Variants in SLC1A4 observed in about 807,000 individuals in gnomAD.
SLC1A4 encodes the protein neutral amino acid transporter A.
Under a neutral mutation model 37.7 loss-of-function variants are expected in SLC1A4, and 19 were observed. That is an observed-to-expected ratio of 0.50 (90% CI 0.35 to 0.74). SLC1A4 has a LOEUF of 0.74. Ranked by LOEUF, SLC1A4 falls within the 30% of genes least tolerant of loss-of-function variation. The probability of loss-of-function intolerance (pLI) is 0.01; values close to 1 mark genes in which losing one functional copy is unlikely to be tolerated. For missense variants in SLC1A4, 570 were observed against 712.9 expected, an observed-to-expected ratio of 0.80 and a Z score of 2.28; for synonymous variants, 299 against 309.8, an observed-to-expected ratio of 0.97 and a Z score of 0.37.
intron 4 of SLC1A4, among the ~76,000 whole-genome samples, chr2:65,013,858 A>C (rs547301642): frequency 3.3e-5 from 5 of 152,314 alleles, no homozygotes; most frequent in African/African-American, 1.2e-4. Flanking sequence ...GAGTCAGCCA[A>C]CTTTGCAAGC....
chr2:65,018,765 G>A lies in SLC1A4; in HGVS notation c.1364+86G>A. On this transcript the variant is annotated intron_variant, in intron 7 of 7. Coordinates refer to ENST00000234256, the MANE Select transcript of SLC1A4 (RefSeq NM_003038.5). The surrounding 1 kb of genome is among the most constrained non-coding windows in gnomAD (Gnocchi z 4.3). Reference sequence around the variant, plus strand: ...CACTGCTGGGCCTGGGCCATGCAGAGAAACTTCAGACACACTCCAGCCTTG... The same window carrying A: ...CACTGCTGGGCCTGGGCCATGCAGAAAAACTTCAGACACACTCCAGCCTTG... 2 of 1,489,014 alleles carry A rather than the reference G, an allele frequency of 1.3e-6. No homozygotes were observed. Among genetic ancestry groups the A allele is most frequent in the Non-Finnish European group, 1.8e-6 (2 of 1,089,524 alleles). The allele number at this position is 1,489,014 out of a possible 1,614,324, so 92.2% of individuals were successfully genotyped here. A position where few individuals can be genotyped will look rare whatever the true frequency, so the allele number is the denominator to read the frequency against.
At chr2:64,995,419 T>A (rs941604900) in intron 1 of SLC1A4, among the ~76,000 whole-genome samples, 1 of 152,230 alleles carries the variant, frequency 6.6e-6, no homozygotes, top group Non-Finnish European at 1.5e-5. Context: ...GAGGGCTATT[T>A]GATATGATGC....
chr2:65,011,553 C>T (rs966453480), intron 4 of SLC1A4: 1 of 152,026 alleles, frequency 6.6e-6, no homozygotes, highest in Non-Finnish European at 1.5e-5. Flanking sequence ...CAGGTGTGAG[C>T]CACTGCGCCT....
At chr2:65,013,499 G>C (rs1674005608) in intron 4 of SLC1A4, among the ~76,000 whole-genome samples, 1 of 152,208 alleles carries the variant, frequency 6.6e-6, no homozygotes, top group South Asian at 2.1e-4. Context: ...TAGGATTACA[G>C]GCATGAGCCA....
chr2:65,004,905 T>C (rs1673617181), intron 3 of SLC1A4, among the ~76,000 whole-genome samples: 2 of 152,242 alleles, frequency 1.3e-5, no homozygotes. Context: ...ATAAAGATTT[T>C]TGTATATGTA....
rs528355543 is a variant in SLC1A4 at position 64,989,812 on chromosome 2, G to A, written c.169G>A (p.Gly57Ser). Residue 57 changes from glycine to serine, a missense_variant, in exon 1 of 8, where the codon GGC becomes AGC. Coordinates refer to ENST00000234256, the MANE Select transcript of SLC1A4 (RefSeq NM_003038.5). ...CGTGTCCGGGGTGCTGGCGGGCGCG[G>A]GCCTGGGCGCGGCGTTGCGCGGGCT... ...LTVSGVLAGA[G>S]LGAALRGLSL... The A allele has an allele frequency of 3.3e-6, 5 of 1,531,176 alleles. No individual in the cohort carries two copies. Among genetic ancestry groups the A allele is most frequent in the East Asian group, 5.0e-5 (2 of 40,316 alleles). The allele number at this position is 1,531,176 out of a possible 1,614,324, so 94.8% of individuals were successfully genotyped here. A position where few individuals can be genotyped will look rare whatever the true frequency, so the allele number is the denominator to read the frequency against.
chr2:65,009,392 A>AAAAG (rs1190522016), intron 3 of SLC1A4, among the ~76,000 whole-genome samples: 3 of 150,186 alleles, frequency 2.0e-5, no homozygotes, highest in South Asian at 2.1e-4. Context: ...AAAAAAAAAG[A>AAAAG]AAAGAAAGAA....
intron 1 of SLC1A4, among the ~76,000 whole-genome samples, chr2:64,997,851 T>G (rs759755529): frequency 2.7e-5 from 4 of 150,750 alleles, no homozygotes; most frequent in Non-Finnish European, 5.9e-5. Flanking sequence ...CCTGTAATCC[T>G]AGCACTTTGG....
At chr2:65,007,897 C>G (rs1052788078) in intron 3 of SLC1A4, among the ~76,000 whole-genome samples, 1 of 152,102 alleles carries the variant, frequency 6.6e-6, no homozygotes, top group Non-Finnish European at 1.5e-5. Flanking sequence ...TATAGTCACC[C>G]TACTGAACTA....
intron 1 of SLC1A4, among the ~76,000 whole-genome samples, chr2:64,993,818 G>A (rs1156770311): frequency 6.6e-6 from 1 of 152,184 alleles, no homozygotes; most frequent in Non-Finnish European, 1.5e-5. Context: ...ATTGTTCTGA[G>A]GGTTAGCTGG....
intron 4 of SLC1A4, among the ~76,000 whole-genome samples, 174 bp downstream of exon 4, chr2:65,010,937 T>C (rs1470193981): frequency 6.6e-6 from 1 of 152,148 alleles, no homozygotes; most frequent in Non-Finnish European, 1.5e-5. Flanking sequence ...AGACAGTTTC[T>C]CCTCTTGTCC....
intron 1 of SLC1A4, among the ~76,000 whole-genome samples, chr2:64,995,067 CA>C (rs1400622842): frequency 6.6e-6 from 1 of 152,118 alleles, no homozygotes; most frequent in East Asian, 1.9e-4. Flanking sequence ...AAAATAATAG[CA>C]GCTTGTAATT....
At chr2:65,007,787 A>G (rs563129987) in intron 3 of SLC1A4, among the ~76,000 whole-genome samples, 1 of 152,376 alleles carries the variant, frequency 6.6e-6, no homozygotes, top group East Asian at 1.9e-4. Context: ...AAATCAGTGT[A>G]CTTGGGATGT....
intron 3 of SLC1A4, among the ~76,000 whole-genome samples, chr2:65,007,980 T>C (rs1280456463): frequency 2.6e-5 from 4 of 152,104 alleles, no homozygotes; most frequent in Non-Finnish European, 5.9e-5. Flanking sequence ...TTGTCCCCTT[T>C]CCCCCCTACA....
At position 64,990,104 on chromosome 2, in the gene SLC1A4, G is replaced by C. The variant is rs1475255530; in HGVS notation, c.461G>C (p.Gly154Ala). The C allele has an allele frequency of 1.2e-6, 2 of 1,610,846 alleles. No homozygotes were observed. Among genetic ancestry groups the C allele is most frequent in the East Asian group, 4.5e-5 (2 of 44,782 alleles). The change falls in exon 1 of 8, where the codon GGG becomes GCG. Residue 154 changes from glycine to alanine, a missense_variant. By Grantham distance (60) the Gly-to-Ala change is moderately conservative (BLOSUM62 0). Transcript: ENST00000234256. The part of the protein sequence containing the change: ...GAQTLQSSDL[G>A]LEDSGPPPVP... The stretch of plus-strand genomic sequence containing the variant: ...CAGACCCTTCAGTCCAGCGACCTGG[G>C]GCTGGAGGACTCGGGGCCTCCTCCT...
chr2:65,010,845 T>C (rs1673891534), intron 4 of SLC1A4, 82 bp downstream of exon 4: 1 of 1,390,622 alleles, frequency 7.2e-7, no homozygotes, highest in African/African-American at 1.4e-5. Context: ...TCTAGGTACC[T>C]GTGTGGGGCC....
chr2:65,014,017 G>A (rs576868988), intron 4 of SLC1A4, among the ~76,000 whole-genome samples: 8 of 151,870 alleles, frequency 5.3e-5, no homozygotes, highest in African/African-American at 7.3e-5. Context: ...AACTGACCAG[G>A]GAGAAAGGAA....
At chr2:64,988,822 G>T (rs1672905813), upstream of SLC1A4, among the ~76,000 whole-genome samples, 1 of 152,176 alleles carries the variant, frequency 6.6e-6, no homozygotes, top group South Asian at 2.1e-4. Context: ...CCCCCTCACC[G>T]CGCCCGGCCC....
chr2:65,020,123 G>A (rs1674354862), intron 7 of SLC1A4, among the ~76,000 whole-genome samples: 1 of 152,210 alleles, frequency 6.6e-6, no homozygotes, highest in Non-Finnish European at 1.5e-5. Context: ...TTTGCCGATG[G>A]CAATGGAACA....
Sources: allele counts gnomAD v4.1 joint callset (sites outside exome capture counted in the v4.1 genomes callset), GRCh38; gene constraint gnomAD v4.1.1; non-coding constraint Gnocchi (gnomAD v3.1); transcripts MANE v1.5; gene names NCBI Gene and HGNC (gene_info 2026-07-23, HGNC 2026-07-21).